Variants in PANK4 observed in about 807,000 individuals in gnomAD.
PANK4 encodes 4'-phosphopantetheine phosphatase.
A neutral mutation model predicts 87.9 loss-of-function variants in PANK4; 40 were observed. The observed-to-expected ratio is 0.46, with a 90% CI of 0.35 to 0.59. The LOEUF (loss-of-function observed/expected upper bound fraction) is 0.59. Ranked by LOEUF, PANK4 falls within the 20% of genes least tolerant of loss-of-function variation. The pLI is 0.00. For synonymous variants in PANK4, 524 were observed against 467.4 expected, an observed-to-expected ratio of 1.12 and a Z score of -1.56; for missense variants, 926 against 1,072.3, an observed-to-expected ratio of 0.86 and a Z score of 1.90.
In PANK4 at chr1:2,520,092, A is replaced by G; in HGVS notation, c.700-138T>C. 1.1e-6 allele frequency: 1 copy of G among 914,446 alleles called. No homozygotes were observed. Among genetic ancestry groups the G allele is most frequent in the Non-Finnish European group, 1.6e-6 (1 of 617,836 alleles). 56.6% of individuals were successfully genotyped at this position (914,446 alleles called of 1,614,324 possible). A position where few individuals can be genotyped will look rare whatever the true frequency, so the allele number is the denominator to read the frequency against. On this transcript the variant is annotated intron_variant, in intron 5 of 18. Coordinates refer to ENST00000378466, the MANE Select transcript of PANK4 (RefSeq NM_018216.4). This position sits in a 1 kb window ranked among gnomAD's most constrained non-coding sequence, Gnocchi z 6.2. ...CTCATCGCGTGGGACCAAAGGCAGGAGGCGGCAAGCGGGACCCTCGGGCCA... is the reference window on the plus strand; with the variant it reads ...CTCATCGCGTGGGACCAAAGGCAGGGGGCGGCAAGCGGGACCCTCGGGCCA...
chr1:2,522,592 A>G (rs1242305483), intron 1 of PANK4, among the ~76,000 whole-genome samples: 7 of 152,256 alleles, frequency 4.6e-5, no homozygotes, highest in Non-Finnish European at 7.3e-5. Context: ...TAAAAAAAAA[A>G]ACAGACATTG....
Position 2,520,975 on chromosome 1 carries a change from G to A in PANK4, c.423-69C>T. ...CAGGTGCAACCATGCAAGCCTGCCT[G>A]GTCCGAAGGGGCAGCCATGCCCCAT... On this transcript the variant is annotated intron_variant, in intron 3 of 18. Transcript: ENST00000378466. The surrounding 1 kb of genome is among the most constrained non-coding windows in gnomAD (Gnocchi z 6.2). 2 of 1,526,024 alleles carry A rather than the reference G, an allele frequency of 1.3e-6. No individual in the cohort carries two copies. Among genetic ancestry groups the A allele is most frequent in the Non-Finnish European group, 1.8e-6 (2 of 1,124,484 alleles). The allele number at this position is 1,526,024 out of a possible 1,614,324, so 94.5% of individuals were successfully genotyped here.
chr1:2,514,777 G>A (rs1469095737), intron 10 of PANK4, among the ~76,000 whole-genome samples: 2 of 152,006 alleles, frequency 1.3e-5, no homozygotes, highest in African/African-American at 4.8e-5. Flanking sequence ...AAAGGCTGAC[G>A]GTGACAGTTC....
intron 9 of PANK4, among the ~76,000 whole-genome samples, chr1:2,516,599 G>A (rs1271536368): frequency 9.9e-5 from 15 of 152,144 alleles, no homozygotes; most frequent in Admixed American, 2.6e-4. Flanking sequence ...TTCTCCACTG[G>A]GGCACCCCTG....
In PANK4 at chr1:2,510,602, G is replaced by A. The variant is rs1481647042; in HGVS notation, c.1938+76C>T. The stretch of plus-strand genomic sequence containing the variant: ...CGGAGGAGCCCCGACCACCGCCAGA[G>A]GCCCACAGCGGCGCCAACCCCACCG... On this transcript the variant is annotated intron_variant, in intron 16 of 18. Coordinates refer to ENST00000378466, the MANE Select transcript of PANK4 (RefSeq NM_018216.4). The surrounding 1 kb of genome is among the most constrained non-coding windows in gnomAD (Gnocchi z 4.9). The A allele has an allele frequency of 4.6e-6, 4 of 860,340 alleles. No individual in the cohort carries two copies. Among genetic ancestry groups the A allele is most frequent in the Non-Finnish European group, 3.9e-6 (2 of 515,454 alleles). The allele number at this position is 860,340 out of a possible 1,614,324, so 53.3% of individuals were successfully genotyped here. A position where few individuals can be genotyped will look rare whatever the true frequency, so the allele number is the denominator to read the frequency against.
Position 2,520,047 on chromosome 1 carries a change from G to C in PANK4, c.700-93C>G. On this transcript the variant is annotated intron_variant, in intron 5 of 18. Coordinates refer to ENST00000378466, the MANE Select transcript of PANK4 (RefSeq NM_018216.4). This position sits in a 1 kb window ranked among gnomAD's most constrained non-coding sequence, Gnocchi z 6.2. ...CAAGCCCATGGCAGGAGGCACGCGC[G>C]GGCAGGGGGTAAATGGGCCCTCATC... The C allele has an allele frequency of 2.4e-6, 3 of 1,252,510 alleles. No homozygotes were observed. The highest frequency in any genetic ancestry group is 3.3e-6 in the Non-Finnish European group (3 of 916,476). 77.6% of individuals were successfully genotyped at this position (1,252,510 alleles called of 1,614,324 possible). A position where few individuals can be genotyped will look rare whatever the true frequency, so the allele number is the denominator to read the frequency against.
chr1:2,515,394 AT>A lies in PANK4; in HGVS notation c.1374+167del. On this transcript the variant is annotated intron_variant, in intron 10 of 18. Transcript: ENST00000378466. The surrounding 1 kb of genome is among the most constrained non-coding windows in gnomAD (Gnocchi z 5.0). ...GACCCACCAGGTGGCCAGGAGCGGT[AT>A]TTTTGCCTGAGAAACCAAAATCGCC... 1.3e-6 allele frequency: 1 copy of A among 755,808 alleles called. No individual in the cohort carries two copies. The highest frequency in any genetic ancestry group is 2.7e-5 in the East Asian group (1 of 37,560). The allele number at this position is 755,808 out of a possible 1,614,324, so 46.8% of individuals were successfully genotyped here.
intron 11 of PANK4, 28 bp downstream of exon 11, chr1:2,514,326 G>T: frequency 1.3e-6 from 2 of 1,510,856 alleles, no homozygotes; most frequent in South Asian, 1.1e-5. Context: ...GGAAGAGGTG[G>T]CCACACACCG....
In PANK4 at chr1:2,508,832, G is replaced by A. The variant is rs184275225; in HGVS notation, c.*15C>T. The A allele has an allele frequency of 1.2e-4, 175 of 1,470,710 alleles. No individual in the cohort carries two copies. Among genetic ancestry groups the A allele is most frequent in the Non-Finnish European group, 1.2e-4 (131 of 1,060,736 alleles). 91.1% of individuals were successfully genotyped at this position (1,470,710 alleles called of 1,614,324 possible). On this transcript the variant is annotated 3_prime_UTR_variant, in exon 19 of 19. Transcript: ENST00000378466. This position sits in a 1 kb window ranked among gnomAD's most constrained non-coding sequence, Gnocchi z 5.1. ...TGACAAGTGACAAGCAGAAGAGTCCGGCAGCTGCAGCGCCTCACTCGGCTG... is the reference window on the plus strand; with the variant it reads ...TGACAAGTGACAAGCAGAAGAGTCCAGCAGCTGCAGCGCCTCACTCGGCTG...
At chr1:2,513,150 AG>A in intron 12 of PANK4, 111 bp from the exon 13 acceptor site, 1 of 1,195,220 alleles carries the variant, frequency 8.4e-7, no homozygotes, top group Non-Finnish European at 1.2e-6. Context: ...TCGAAGACTC[AG>A]GCCCAACTGG....
At chr1:2,521,568 G>A (rs775681841) in intron 2 of PANK4, 150 bp downstream of exon 2, 14 of 773,196 alleles carry the variant, frequency 1.8e-5, no homozygotes, top group Admixed American at 3.5e-5. Flanking sequence ...GGGACACGGC[G>A]GAAGGCAGGG....
chr1:2,515,815 G>T lies in PANK4; in HGVS notation c.1219-98C>A. 8.4e-7 allele frequency: 1 copy of T among 1,184,312 alleles called. No individual in the cohort carries two copies. Among genetic ancestry groups the T allele is most frequent in the Non-Finnish European group, 1.2e-6 (1 of 830,322 alleles). The allele number at this position is 1,184,312 out of a possible 1,614,324, so 73.4% of individuals were successfully genotyped here. A position where few individuals can be genotyped will look rare whatever the true frequency, so the allele number is the denominator to read the frequency against. On this transcript the variant is annotated intron_variant, in intron 9 of 18. Coordinates refer to ENST00000378466, the MANE Select transcript of PANK4 (RefSeq NM_018216.4). The surrounding 1 kb of genome is among the most constrained non-coding windows in gnomAD (Gnocchi z 5.0). ...CCACTCTCTCTCTAAGAAGGGAGAT[G>T]TACTGCCTTCTTCCGCCACGTCTCT...
At position 2,521,922 on chromosome 1, in the gene PANK4, G is replaced by A. The variant is rs142225522; in HGVS notation, c.125-122C>T. On this transcript the variant is annotated intron_variant, in intron 1 of 18. Transcript: ENST00000378466. ...AGTCTCTGTAGATGAGGGGTTTGGG[G>A]CTACTGGAACTTAAAAACCCTGTGG... 2.5e-4 allele frequency: 191 copies of A among 749,342 alleles called. No homozygotes were observed. The African/African-American group carries it at 2.9e-3, about 11-fold the overall frequency. The allele number at this position is 749,342 out of a possible 1,614,324, so 46.4% of individuals were successfully genotyped here. A position where few individuals can be genotyped will look rare whatever the true frequency, so the allele number is the denominator to read the frequency against.
intron 8 of PANK4, 84 bp from the exon 9 acceptor site, chr1:2,518,348 T>A: frequency 9.4e-7 from 1 of 1,061,972 alleles, no homozygotes; most frequent in Non-Finnish European, 1.4e-6. Flanking sequence ...GGGTATAAAA[T>A]CGCTTATTAA....
chr1:2,520,480 C>G lies in PANK4; in HGVS notation c.607-66G>C, dbSNP rs1222500042. 5 of 1,372,386 alleles carry G rather than the reference C, an allele frequency of 3.6e-6. No individual in the cohort carries two copies. The highest frequency in any genetic ancestry group is 2.4e-5 in the East Asian group (1 of 41,536). The allele number at this position is 1,372,386 out of a possible 1,614,324, so 85.0% of individuals were successfully genotyped here. A position where few individuals can be genotyped will look rare whatever the true frequency, so the allele number is the denominator to read the frequency against. ...CAGCCACACAGGCTCCCCCGCCCCC[C>G]GCCCCATGTGCTGCGCTGGGGTGAA... On this transcript the variant is annotated intron_variant, in intron 4 of 18. Transcript: ENST00000378466. This position sits in a 1 kb window ranked among gnomAD's most constrained non-coding sequence, Gnocchi z 6.2.
chr1:2,516,310 G>A (rs1009363401), intron 9 of PANK4, among the ~76,000 whole-genome samples: 1 of 152,158 alleles, frequency 6.6e-6, no homozygotes, highest in African/African-American at 2.4e-5. Context: ...TGTCCATGAA[G>A]GACTATGGCA....
chr1:2,523,203 T>C (rs1337216183), intron 1 of PANK4, among the ~76,000 whole-genome samples: 1 of 152,164 alleles, frequency 6.6e-6, no homozygotes. Context: ...ACCCACCGTG[T>C]CCAGGCCCCA....
rs1445104991 is a variant in PANK4 at position 2,522,601 on chromosome 1, T to C, written c.125-801A>G. Reference sequence around the variant, plus strand: ...CTAAGTTAAAAAAAAAAACAGACATTGTTGAGGCTAGAGTTGTATTCATAG... The same window carrying C: ...CTAAGTTAAAAAAAAAAACAGACATCGTTGAGGCTAGAGTTGTATTCATAG... On this transcript the variant is annotated intron_variant, in intron 1 of 18. Transcript: ENST00000378466. Among the ~76,000 whole-genome samples the C allele has an allele frequency of 5.9e-5, 9 of 152,064 alleles. No individual in the cohort carries two copies. The East Asian group carries it at 1.7e-3, about 29-fold the overall frequency.
rs765245614 is a variant in PANK4 at position 2,518,185 on chromosome 1, C to T, written c.1197G>A (p.Ala399=). Residue 399 remains alanine, a synonymous_variant, in exon 9 of 19, where the codon GCG becomes GCA. Transcript: ENST00000378466. Reference sequence around the variant, plus strand: ...TCACAGTGCCACTCCGCGCCCGCTGCGCCGGGCCGAGCTCGGGTGATGCAC... The same window carrying T: ...TCACAGTGCCACTCCGCGCCCGCTGTGCCGGGCCGAGCTCGGGTGATGCAC... ...LMSASPELGP[A]QRARSGTFDL... 97 of 1,608,562 alleles carry T rather than the reference C, an allele frequency of 6.0e-5. No individual in the cohort carries two copies. The highest frequency in any genetic ancestry group is 1.1e-4 in the African/African-American group (8 of 75,010).
Sources: allele counts gnomAD v4.1 joint callset (sites outside exome capture counted in the v4.1 genomes callset), GRCh38; gene constraint gnomAD v4.1.1; non-coding constraint Gnocchi (gnomAD v3.1); transcripts MANE v1.5; gene names NCBI Gene and HGNC (gene_info 2026-07-23, HGNC 2026-07-21).